Variants in ZBTB40 observed in about 807,000 individuals in gnomAD.
ZBTB40 encodes zinc finger and BTB domain containing 40.
ZBTB40 carries 60 observed loss-of-function variants against 117.5 expected under a neutral mutation model. That is an observed-to-expected ratio of 0.51 (90% CI 0.41 to 0.63). The LOEUF is 0.63. ZBTB40 is among the 30% of genes least tolerant of loss of function. The pLI is 0.00. For synonymous variants in ZBTB40, 525 were observed against 577.1 expected (o/e 0.91, Z 1.29); for missense variants, 1,287 against 1,498.5 (o/e 0.86, Z 2.33).
intron 1 of ZBTB40, among the ~76,000 whole-genome samples, chr1:22,454,264 T>C (rs1640954202): frequency 6.6e-6 from 1 of 152,218 alleles, no homozygotes; most frequent in South Asian, 2.1e-4. Flanking sequence ...CGAACAAATA[T>C]TTTAGTGTCT....
chr1:22,449,827 G>T (rs778240259), upstream of ZBTB40, among the ~76,000 whole-genome samples: 1 of 152,228 alleles, frequency 6.6e-6, no homozygotes, highest in Non-Finnish European at 1.5e-5. Flanking sequence ...AGGAGGGACA[G>T]ATGGTGCCTG....
At chr1:22,448,201 C>T (rs149832522), upstream of ZBTB40, among the ~76,000 whole-genome samples, 126 of 152,292 alleles carry the variant, frequency 8.3e-4, no homozygotes, top group African/African-American at 3.0e-3. Context: ...CTGAATATGT[C>T]AAATGAGTTC....
intron 1 of ZBTB40, among the ~76,000 whole-genome samples, chr1:22,431,909 T>G (rs1640596251): frequency 6.6e-6 from 1 of 152,142 alleles, no homozygotes. Context: ...TGAAATGGTA[T>G]ACAATGAAAA....
In ZBTB40 at chr1:22,476,560, A is replaced by C. The variant is rs1641553344; in HGVS notation, c.-69-13320A>C. Reference sequence around the variant, plus strand: ...CCTTTTTGGAAGTAGACAGAATAAAAATTTAAATGAATAAATATTCTTTGT... The same window carrying C: ...CCTTTTTGGAAGTAGACAGAATAAACATTTAAATGAATAAATATTCTTTGT... On this transcript the variant is annotated intron_variant, in intron 1 of 17. Coordinates refer to ENST00000375647, the MANE Select transcript of ZBTB40 (RefSeq NM_014870.4). Among the ~76,000 whole-genome samples, 4 of 152,184 alleles carry C rather than the reference A, an allele frequency of 2.6e-5. No homozygotes were observed. The South Asian group carries it at 8.3e-4, about 31-fold the overall frequency.
At chr1:22,507,754 G>C (rs1639110183) in intron 6 of ZBTB40, among the ~76,000 whole-genome samples, 1 of 152,150 alleles carries the variant, frequency 6.6e-6, no homozygotes, top group African/African-American at 2.4e-5. Context: ...GTGAGCAATT[G>C]CTAGCTCCTA....
intron 6 of ZBTB40, among the ~76,000 whole-genome samples, chr1:22,506,464 G>C (rs910027253): frequency 6.6e-6 from 1 of 152,206 alleles, no homozygotes; most frequent in African/African-American, 2.4e-5. Flanking sequence ...TGGTGTTCCT[G>C]TGGCTCAGGA....
At chr1:22,472,437 C>T (rs191503712) in intron 1 of ZBTB40, among the ~76,000 whole-genome samples, 2 of 152,196 alleles carry the variant, frequency 1.3e-5, no homozygotes, top group African/African-American at 2.4e-5. Context: ...CCTCCTGCCT[C>T]GGCCTCCCAA....
At chr1:22,468,086 C>G (rs1272724059) in intron 1 of ZBTB40, among the ~76,000 whole-genome samples, 1 of 146,038 alleles carries the variant, frequency 6.8e-6, no homozygotes, top group African/African-American at 2.5e-5. Context: ...AAGACCCCAT[C>G]TCAAAAAAAA....
chr1:22,482,522 G>T (rs896951449), intron 1 of ZBTB40, among the ~76,000 whole-genome samples: 36 of 152,136 alleles, frequency 2.4e-4, no homozygotes, highest in African/African-American at 8.7e-4. Context: ...TTTACATCAG[G>T]GTTCACTGTT....
Position 22,522,411 on chromosome 1 carries a change from G to A in ZBTB40, c.3246G>A (p.Glu1082=). ...TCCATGAATGTGACCAGTGTAAGGA[G>A]CTCTTCCCCACGCCAGCCTTGCTGC... ...MKFHECDQCK[E]LFPTPALLQV... is the part of the protein sequence containing the mutation. Residue 1082 remains glutamate, a synonymous_variant, in exon 16 of 18, where the codon GAG becomes GAA. Transcript: ENST00000375647. 1 of 1,614,202 alleles carries A rather than the reference G, an allele frequency of 6.2e-7. No individual in the cohort carries two copies. Among genetic ancestry groups the A allele is most frequent in the Admixed American group, 1.7e-5 (1 of 60,030 alleles).
intron 17 of ZBTB40, among the ~76,000 whole-genome samples, chr1:22,524,782 C>T (rs182585883): frequency 1.3e-5 from 2 of 152,226 alleles, no homozygotes; most frequent in Non-Finnish European, 2.9e-5. Flanking sequence ...TGGGCAGGGA[C>T]TGCCTGCAGT....
chr1:22,499,492 T>G (rs564138322), intron 3 of ZBTB40, among the ~76,000 whole-genome samples: 3 of 152,348 alleles, frequency 2.0e-5, no homozygotes, highest in Admixed American at 2.0e-4. Context: ...TAAAGAGATT[T>G]CAAGTCAACT....
At chr1:22,503,605 G>GCGCA (rs1181020131) in intron 5 of ZBTB40, among the ~76,000 whole-genome samples, 2 of 133,968 alleles carry the variant, frequency 1.5e-5, no homozygotes, top group Non-Finnish European at 3.4e-5. Context: ...TTGCACATGT[G>GCGCA]CGCACGCACA....
intron 1 of ZBTB40, among the ~76,000 whole-genome samples, chr1:22,455,446 C>G (rs759304115): frequency 7.9e-5 from 12 of 152,178 alleles, no homozygotes; most frequent in Non-Finnish European, 1.0e-4. Context: ...TTTAAACTCT[C>G]CCTAGTAACC....
intron 1 of ZBTB40, among the ~76,000 whole-genome samples, chr1:22,484,637 T>C (rs1019228414): frequency 2.0e-5 from 3 of 152,218 alleles, no homozygotes; most frequent in Non-Finnish European, 4.4e-5. Flanking sequence ...TTCTATTTCC[T>C]TTTCTTGTCT....
chr1:22,483,905 T>TTA (rs1638394808), intron 1 of ZBTB40, among the ~76,000 whole-genome samples: 1 of 152,248 alleles, frequency 6.6e-6, no homozygotes, highest in African/African-American at 2.4e-5. Context: ...GTCTCTGATG[T>TTA]ATTTTAAGTT....
chr1:22,524,703 G>C (rs1421896849), intron 17 of ZBTB40, among the ~76,000 whole-genome samples: 1 of 152,186 alleles, frequency 6.6e-6, no homozygotes, highest in East Asian at 1.9e-4. Context: ...ATACGTCCCT[G>C]CCTCCTGAGA....
chr1:22,520,373 C>T, intron 14 of ZBTB40, 98 bp downstream of exon 14: 1 of 949,314 alleles, frequency 1.1e-6, no homozygotes, highest in East Asian at 2.6e-5. Context: ...CAGATCATAT[C>T]TTGTATCCAG....
intron 1 of ZBTB40, among the ~76,000 whole-genome samples, chr1:22,457,142 A>G (rs1024692255): frequency 2.6e-5 from 4 of 151,792 alleles, no homozygotes; most frequent in African/African-American, 9.7e-5. Context: ...TTTTTAAAGG[A>G]AAGAAGAAGA....
Sources: allele counts gnomAD v4.1 joint callset (sites outside exome capture counted in the v4.1 genomes callset), GRCh38; gene constraint gnomAD v4.1.1; transcripts MANE v1.5; gene names NCBI Gene and HGNC (gene_info 2026-07-23, HGNC 2026-07-21).